RYR2: variants seen among roughly 807,000 people sequenced by gnomAD.
RYR2 encodes cardiac muscle ryanodine receptor-calcium release channel.
RYR2 carries 227 observed loss-of-function variants against 601.1 expected under a neutral mutation model. That is an observed-to-expected ratio of 0.38 (90% CI 0.34 to 0.42). RYR2 has a LOEUF of 0.42. Among genes scored for constraint, RYR2 ranks in the 10% least tolerant of loss-of-function variants. The pLI, the probability that RYR2 is intolerant of heterozygous loss-of-function variation, is 1.00. For missense variants in RYR2, 4,646 were observed against 6,156.5 expected, an observed-to-expected ratio of 0.75 and a Z score of 8.21; for synonymous variants, 2,223 against 2,175.1, an observed-to-expected ratio of 1.02 and a Z score of -0.61.
chr1:237,331,248 G>A (rs1046094763), intron 3 of RYR2, among the ~76,000 whole-genome samples: 16 of 151,946 alleles, frequency 1.1e-4, no homozygotes, highest in Non-Finnish European at 1.9e-4. Flanking sequence ...TTCTTTGAGC[G>A]TTTCTGTGTT....
At chr1:237,354,521 G>A (rs1483806728) in intron 3 of RYR2, among the ~76,000 whole-genome samples, 1 of 152,072 alleles carries the variant, frequency 6.6e-6, no homozygotes, top group Non-Finnish European at 1.5e-5. Flanking sequence ...TTAAAAGGAA[G>A]TCATTTAATT....
At chr1:237,246,209 C>T (rs1473635760) in intron 1 of RYR2, among the ~76,000 whole-genome samples, 2 of 151,730 alleles carry the variant, frequency 1.3e-5, no homozygotes, top group East Asian at 3.9e-4. Flanking sequence ...GATTCTCCTG[C>T]CTCAGCCTCC....
intron 1 of RYR2, among the ~76,000 whole-genome samples, chr1:237,167,281 A>G (rs1364280910): frequency 3.3e-5 from 5 of 152,374 alleles, no homozygotes; most frequent in Admixed American, 6.5e-5. Context: ...AGTAGGCACC[A>G]GAATGATATG....
In RYR2 at chr1:237,363,894, T is replaced by C. The variant is rs80220734; in HGVS notation, c.295-464T>C. Among the ~76,000 whole-genome samples, 1,164 of 152,312 alleles carry C rather than the reference T, an allele frequency of 7.6e-3. 18 individuals are homozygous for C. Among genetic ancestry groups the C allele is most frequent in the African/African-American group, 0.026 (1,096 of 41,578 alleles). Reference sequence around the variant, plus strand: ...TTTGCATGAAACGAGAGCCGCTCATTGCAGCATATTAGTTTACGATCTACC... The same window carrying C: ...TTTGCATGAAACGAGAGCCGCTCATCGCAGCATATTAGTTTACGATCTACC... On this transcript the variant is annotated intron_variant, in intron 4 of 104. Coordinates refer to ENST00000366574, the MANE Select transcript of RYR2 (RefSeq NM_001035.3).
intron 73 of RYR2, 91 bp from the exon 74 acceptor site, chr1:237,723,037 A>G: frequency 8.7e-7 from 1 of 1,150,218 alleles, no homozygotes; most frequent in South Asian, 1.6e-5. Context: ...AGCCCAATAA[A>G]TAATGATGGG....
At position 237,830,383 on chromosome 1, in the gene RYR2, T is replaced by C. The variant is rs1484544169; in HGVS notation, c.14656-147T>C. The C allele has an allele frequency of 5.1e-6, 3 of 587,542 alleles. No homozygotes were observed. In the East Asian group the frequency reaches 8.8e-5, roughly 17 times the overall value. The allele number at this position is 587,542 out of a possible 1,614,324, so 36.4% of individuals were successfully genotyped here. On this transcript the variant is annotated intron_variant, in intron 102 of 104. Coordinates refer to ENST00000366574, the MANE Select transcript of RYR2 (RefSeq NM_001035.3). ...ATAGTTACAGCGACAGTTCCATTTA[T>C]ATTCGTGGGCTTGGCACAGCCTCCA...
intron 56 of RYR2, 43 bp from the exon 57 acceptor site, chr1:237,666,469 A>G: frequency 6.5e-7 from 1 of 1,539,506 alleles, no homozygotes; most frequent in Non-Finnish European, 8.9e-7. Context: ...CTCTCTTCAC[A>G]AGGTTTTTAA....
At chr1:237,598,409 A>G (rs914343021) in intron 34 of RYR2, among the ~76,000 whole-genome samples, 56 of 152,358 alleles carry the variant, frequency 3.7e-4, no homozygotes, top group African/African-American at 1.3e-3. Context: ...AGGACAGATC[A>G]TATGTTAGGC....
At chr1:237,062,784 G>A (rs1010495174) in intron 1 of RYR2, among the ~76,000 whole-genome samples, 4 of 152,036 alleles carry the variant, frequency 2.6e-5, no homozygotes, top group Non-Finnish European at 5.9e-5. Flanking sequence ...CTTTCCCTCA[G>A]TTTCAGGGAA....
At chr1:237,141,821 A>G (rs569896067) in intron 1 of RYR2, among the ~76,000 whole-genome samples, 1 of 152,228 alleles carries the variant, frequency 6.6e-6, no homozygotes, top group South Asian at 2.1e-4. Context: ...TCTCAGAAAC[A>G]CCTTCTTCTT....
chr1:237,176,263 AT>A (rs1678043766), intron 1 of RYR2, among the ~76,000 whole-genome samples: 1 of 59,484 alleles, frequency 1.7e-5, no homozygotes, highest in African/African-American at 3.7e-5. Flanking sequence ...ATATATATAT[AT>A]AAAAAATGAA....
chr1:237,497,385 TA>T (rs1664185518), intron 20 of RYR2, among the ~76,000 whole-genome samples: 1 of 152,196 alleles, frequency 6.6e-6, no homozygotes, highest in African/African-American at 2.4e-5. Flanking sequence ...TACTTTATAT[TA>T]AAAAATAATA....
intron 58 of RYR2, among the ~76,000 whole-genome samples, chr1:237,669,254 GAA>G (rs1446051366): frequency 2.6e-5 from 4 of 151,856 alleles, no homozygotes; most frequent in African/African-American, 7.2e-5. Context: ...AGAACAAAAT[GAA>G]AAGTCTCCCA....
chr1:237,829,039 T>C (rs1221492487), intron 102 of RYR2, among the ~76,000 whole-genome samples: 1 of 152,204 alleles, frequency 6.6e-6, no homozygotes, highest in Non-Finnish European at 1.5e-5. Flanking sequence ...GGGAAGTTGA[T>C]GTGCAGGTTT....
At chr1:237,208,587 A>G (rs1682075616) in intron 1 of RYR2, among the ~76,000 whole-genome samples, 1 of 152,088 alleles carries the variant, frequency 6.6e-6, no homozygotes, top group African/African-American at 2.4e-5. Context: ...ATAATTGTCA[A>G]AAATTATATA....
intron 1 of RYR2, among the ~76,000 whole-genome samples, chr1:237,210,774 G>A (rs925476113): frequency 6.6e-6 from 1 of 152,174 alleles, no homozygotes; most frequent in African/African-American, 2.4e-5. Context: ...AGGCACCGGG[G>A]ACCACAGGTA....
chr1:237,709,033 C>G lies in RYR2; in HGVS notation c.10077C>G (p.Phe3359Leu), dbSNP rs1294715935. 1.9e-6 allele frequency: 3 copies of G among 1,612,240 alleles called. No homozygotes were observed. In the South Asian group the frequency reaches 3.3e-5, roughly 18 times the overall value. The change falls in exon 69 of 105, where the codon TTC (phenylalanine) becomes TTG (leucine). Residue 3359 changes from phenylalanine (F) to leucine (L), a missense_variant. Coordinates refer to ENST00000366574, the MANE Select transcript of RYR2 (RefSeq NM_001035.3). ...CAGAACTCCTCATCCTAGATGAGTT[C>G]ACCACACTGGCCAGAGATCTCTATG... The part of the protein sequence containing the change: ...SEAELLILDE[F>L]TTLARDLYAF...
chr1:237,210,484 A>G (rs1457238439), intron 1 of RYR2, among the ~76,000 whole-genome samples: 1 of 152,070 alleles, frequency 6.6e-6, no homozygotes, highest in Non-Finnish European at 1.5e-5. Context: ...CATTTCTTGT[A>G]TCTCTCATGC....
intron 1 of RYR2, among the ~76,000 whole-genome samples, chr1:237,136,548 G>T (rs1043100941): frequency 6.6e-6 from 1 of 152,150 alleles, no homozygotes; most frequent in Admixed American, 6.5e-5. Flanking sequence ...CTCCTGTCTC[G>T]CACAGTGGTG....
Sources: allele counts gnomAD v4.1 joint callset (sites outside exome capture counted in the v4.1 genomes callset), GRCh38; gene constraint gnomAD v4.1.1; transcripts MANE v1.5; gene names NCBI Gene and HGNC (gene_info 2026-07-23, HGNC 2026-07-21).